Variants in ABCC9 observed in about 807,000 individuals in gnomAD.
ABCC9 encodes ATP-binding cassette sub-family C member 9.
ABCC9 carries 95 observed loss-of-function variants against 188.3 expected under a neutral mutation model. That is an observed-to-expected ratio of 0.50 (90% CI 0.43 to 0.60). ABCC9 has a LOEUF of 0.60. Ranked by LOEUF, ABCC9 falls within the 20% of genes least tolerant of loss-of-function variation. ABCC9 has a pLI of 0.00. For synonymous variants in ABCC9, 659 were observed against 652.7 expected, an observed-to-expected ratio of 1.01 and a Z score of -0.15; for missense variants, 1,102 against 1,876.3, an observed-to-expected ratio of 0.59 and a Z score of 7.62.
intron 12 of ABCC9, among the ~76,000 whole-genome samples, chr12:21,895,852 A>G (rs1360440112): frequency 6.6e-6 from 1 of 152,176 alleles, no homozygotes; most frequent in East Asian, 1.9e-4. Context: ...AATATATTTA[A>G]CTGTCACTGG....
chr12:21,811,560 G>T (rs1441348547), intron 36 of ABCC9, among the ~76,000 whole-genome samples: 1 of 151,904 alleles, frequency 6.6e-6, no homozygotes, highest in African/African-American at 2.4e-5. Flanking sequence ...AAAGCACCTA[G>T]CAGATGGTTG....
chr12:21,911,997 A>C (rs1196387522), intron 8 of ABCC9, among the ~76,000 whole-genome samples: 7 of 152,144 alleles, frequency 4.6e-5, no homozygotes, highest in African/African-American at 1.7e-4. Context: ...GAAGATAAAC[A>C]TATCTCTAAG....
chr12:21,854,592 A>G (rs1424319482), intron 22 of ABCC9, among the ~76,000 whole-genome samples: 2 of 152,226 alleles, frequency 1.3e-5, no homozygotes, highest in Non-Finnish European at 2.9e-5. Context: ...ATGCACATCA[A>G]TTATTTCTGA....
chr12:21,805,198 G>A (rs771917219), intron 39 of ABCC9: 1 of 1,613,984 alleles, frequency 6.2e-7, no homozygotes, highest in South Asian at 1.1e-5. Context: ...TCACCAAAGT[G>A]GAAAAGAGGC....
At position 21,910,758 on chromosome 12, in the gene ABCC9, G is replaced by T. The variant is rs1051758963; in HGVS notation, c.1164+68C>A. The T allele has an allele frequency of 1.9e-5, 27 of 1,418,932 alleles. No individual in the cohort carries two copies. In the South Asian group the frequency reaches 2.8e-4, roughly 15 times the overall value. The allele number at this position is 1,418,932 out of a possible 1,614,324, so 87.9% of individuals were successfully genotyped here. A position where few individuals can be genotyped will look rare whatever the true frequency, so the allele number is the denominator to read the frequency against. On this transcript the variant is annotated intron_variant, in intron 9 of 39. Transcript: ENST00000261200. ...ATGAAAAAACAAAACTGAAGCTACC[G>T]CTATTCTTTTCACTGAATGGTATAT...
chr12:21,825,688 A>G (rs1054701824), intron 31 of ABCC9, among the ~76,000 whole-genome samples: 2 of 152,104 alleles, frequency 1.3e-5, no homozygotes, highest in African/African-American at 2.4e-5. Context: ...GAAATACCCA[A>G]TGTGGATCAC....
At chr12:21,813,414 T>C (rs1319704112) in intron 35 of ABCC9, among the ~76,000 whole-genome samples, 1 of 152,160 alleles carries the variant, frequency 6.6e-6, no homozygotes, top group Non-Finnish European at 1.5e-5. Flanking sequence ...GCAAGGGTGA[T>C]TAGCTTAACC....
At chr12:21,838,775 T>C (rs1030904944) in intron 29 of ABCC9, among the ~76,000 whole-genome samples, 5 of 152,166 alleles carry the variant, frequency 3.3e-5, no homozygotes, top group Non-Finnish European at 7.3e-5. Context: ...GGCTCATACC[T>C]GTAATCCCAG....
chr12:21,829,486 C>A (rs1326386560), intron 30 of ABCC9, among the ~76,000 whole-genome samples: 2 of 152,104 alleles, frequency 1.3e-5, no homozygotes, highest in Non-Finnish European at 2.9e-5. Flanking sequence ...CAGGCGTGTG[C>A]CACCGCACCC....
At chr12:21,863,181 T>C (rs1053352939) in intron 19 of ABCC9, 127 bp from the exon 20 acceptor site, 4 of 681,512 alleles carry the variant, frequency 5.9e-6, no homozygotes, top group Non-Finnish European at 7.5e-6. Flanking sequence ...GGAAAACTTC[T>C]AAAAGAGAAA....
intron 39 of ABCC9, among the ~76,000 whole-genome samples, chr12:21,803,456 G>C (rs1941613499): frequency 6.6e-6 from 1 of 151,902 alleles, no homozygotes; most frequent in African/African-American, 2.4e-5. Context: ...AGGGGTTCAA[G>C]ACCAGCCTGA....
At chr12:21,834,677 G>T (rs1417323195) in intron 30 of ABCC9, among the ~76,000 whole-genome samples, 1 of 151,866 alleles carries the variant, frequency 6.6e-6, no homozygotes, top group East Asian at 1.9e-4. Context: ...AATCGAATGT[G>T]TCTTTTTCCA....
intron 30 of ABCC9, among the ~76,000 whole-genome samples, chr12:21,832,893 G>C (rs772065264): frequency 1.3e-5 from 2 of 152,150 alleles, no homozygotes; most frequent in South Asian, 4.1e-4. Flanking sequence ...TAACCAGTGA[G>C]TGGGTAAAGA....
Position 21,916,725 on chromosome 12 carries a change from A to G in ABCC9, c.573+212T>C, listed in dbSNP as rs559073034. On this transcript the variant is annotated intron_variant, in intron 6 of 39. Coordinates refer to ENST00000261200, the MANE Select transcript of ABCC9 (RefSeq NM_020297.4). Reference sequence around the variant, plus strand: ...CATAGCAAGCATTTGATCAATCAATATTTGTGAATGAATAAATAGTTTCTA... The same window carrying G: ...CATAGCAAGCATTTGATCAATCAATGTTTGTGAATGAATAAATAGTTTCTA... Among the ~76,000 whole-genome samples, 3 of 152,312 alleles carry G rather than the reference A, an allele frequency of 2.0e-5. No homozygotes were observed. The East Asian group carries it at 5.8e-4, about 29-fold the overall frequency.
chr12:21,934,579 C>T (rs1012039361), intron 3 of ABCC9, among the ~76,000 whole-genome samples: 1 of 151,998 alleles, frequency 6.6e-6, no homozygotes, highest in South Asian at 2.1e-4. Context: ...AAATTCTGAT[C>T]GTTTTCTCCC....
chr12:21,820,302 G>A (rs1352502908), intron 31 of ABCC9, among the ~76,000 whole-genome samples: 1 of 151,992 alleles, frequency 6.6e-6, no homozygotes, highest in Non-Finnish European at 1.5e-5. Flanking sequence ...TGGTGTATAT[G>A]TTAAGAGTTT....
intron 4 of ABCC9, among the ~76,000 whole-genome samples, chr12:21,926,775 T>TATTGCAAGCAATTCAGCATG (rs1440043097): frequency 6.6e-6 from 1 of 152,148 alleles, no homozygotes; most frequent in Non-Finnish European, 1.5e-5. Context: ...TGTTCAAGGG[T>TATTGCAAGCAATTCAGCATG]ATTGCAAGCA....
Position 21,872,640 on chromosome 12 carries a change from T to C in ABCC9, c.2183A>G (p.Lys728Arg), listed in dbSNP as rs1260343674. The C allele has an allele frequency of 6.2e-7, 1 of 1,613,574 alleles. No homozygotes were observed. ...ATATACATACTTGCTCCAGTGAACT[T>C]TTCCTTCCAATGTCTGCATCTCACC... ...ILGEMQTLEG[K>R]VHWSNVNESE... Residue 728 changes from lysine (K) to arginine (R), a missense_variant, in exon 18 of 40, where the codon AAA becomes AGA. This residue lies in a region of ABCC9 where 258 missense variants were observed against 325.6 expected (regional missense o/e 0.79). Transcript: ENST00000261200.
rs1233568975 is a variant in ABCC9, at chr12:21,940,722, C to T, written c.-33G>A. On this transcript the variant is annotated 5_prime_UTR_variant, in exon 2 of 40. Coordinates refer to ENST00000261200, the MANE Select transcript of ABCC9 (RefSeq NM_020297.4). The stretch of plus-strand genomic sequence containing the variant: ...AAAAAATAAATACCTTGGGCAATAG[C>T]TTCACGCTGCTTCAAACCCCTGCCG... 6.6e-6 allele frequency: 1 copy of T among 152,152 alleles called. No homozygotes were observed. Among genetic ancestry groups the T allele is most frequent in the Non-Finnish European group, 1.5e-5 (1 of 68,044 alleles). 9.4% of individuals were successfully genotyped at this position (152,152 alleles called of 1,614,324 possible).
Sources: gnomAD v4.1 joint callset for allele counts (sites outside exome capture counted in the v4.1 genomes callset) on GRCh38, gnomAD v4.1.1 for gene constraint, gnomAD v4.1.1 regional missense constraint, MANE v1.5 for transcripts, NCBI Gene and HGNC (gene_info 2026-07-23, HGNC 2026-07-21) for gene names.